C3orf70: variants seen among roughly 807,000 people sequenced by gnomAD.
C3orf70 encodes UPF0524 protein C3orf70.
A neutral mutation model predicts 20.7 loss-of-function variants in C3orf70; 15 were observed. That is an observed-to-expected ratio of 0.72 (90% CI 0.48 to 1.11). The LOEUF is 1.11. C3orf70 is among the 50% of genes most tolerant of loss of function. The pLI, the probability that C3orf70 is intolerant of heterozygous loss-of-function variation, is 0.00. For synonymous variants in C3orf70, 161 were observed against 125.7 expected (o/e 1.28, Z -1.88); for missense variants, 332 against 317.6 (o/e 1.05, Z -0.34).
chr3:185,079,306 T>TAAAAAAAAAAAAAAAAAAA lies in C3orf70; in HGVS notation c.*3700_*3701insTTTTTTTTTTTTTTTTTTT, dbSNP rs1321535800. The TAAAAAAAAAAAAAAAAAAA allele has an allele frequency of 2.0e-4, 25 of 122,766 alleles. No individual in the cohort carries two copies. The highest frequency in any genetic ancestry group is 3.5e-4 in the Non-Finnish European group (21 of 59,480). The allele number at this position is 122,766 out of a possible 1,614,324, so 7.6% of individuals were successfully genotyped here. ...AAAAAAAAAAAAAAAAAAAAAAAAG[T>TAAAAAAAAAAAAAAAAAAA]AAAGCCACCACTCCCAAGATAGAAT... On this transcript the variant is annotated 3_prime_UTR_variant, in exon 2 of 2. Transcript: ENST00000335012.
chr3:185,146,987 T>C (rs1055327818), intron 1 of C3orf70, among the ~76,000 whole-genome samples: 3 of 152,238 alleles, frequency 2.0e-5, no homozygotes, highest in Non-Finnish European at 4.4e-5. Flanking sequence ...AGCGCAGCCA[T>C]AAGGACCAGA....
intron 1 of C3orf70, among the ~76,000 whole-genome samples, chr3:185,128,478 A>C (rs1716458766): frequency 6.6e-6 from 1 of 151,498 alleles, no homozygotes; most frequent in South Asian, 2.1e-4. Context: ...CAGTGAGCCG[A>C]TATCGCACCA....
chr3:185,098,930 T>A (rs1715765407), intron 1 of C3orf70, among the ~76,000 whole-genome samples: 1 of 152,218 alleles, frequency 6.6e-6, no homozygotes, highest in African/African-American at 2.4e-5. Flanking sequence ...CCGGCCTGTC[T>A]GCTGGCCCAC....
intron 1 of C3orf70, among the ~76,000 whole-genome samples, chr3:185,137,566 G>T (rs1279362485): frequency 6.6e-6 from 1 of 152,022 alleles, no homozygotes; most frequent in Non-Finnish European, 1.5e-5. Context: ...AATTTCAAAA[G>T]AATTAAAATC....
chr3:185,130,499 G>A (rs563101554), intron 1 of C3orf70, among the ~76,000 whole-genome samples: 2 of 152,068 alleles, frequency 1.3e-5, no homozygotes, highest in East Asian at 3.8e-4. Context: ...TCCTTTAAAA[G>A]TATATACTCA....
intron 1 of C3orf70, among the ~76,000 whole-genome samples, chr3:185,144,960 G>T (rs1716828163): frequency 6.6e-6 from 1 of 152,178 alleles, no homozygotes; most frequent in African/African-American, 2.4e-5. Flanking sequence ...GCAACAGGAG[G>T]TTTAGTAATC....
At chr3:185,097,976 T>C (rs1715745996) in intron 1 of C3orf70, among the ~76,000 whole-genome samples, 1 of 152,198 alleles carries the variant, frequency 6.6e-6, no homozygotes. Context: ...TATGACAATG[T>C]AGGTTTTCAA....
intron 1 of C3orf70, among the ~76,000 whole-genome samples, chr3:185,117,690 T>A (rs893021967): frequency 1.3e-4 from 20 of 152,190 alleles, no homozygotes; most frequent in Admixed American, 6.5e-4. Flanking sequence ...ACAATATCGA[T>A]CACCTTCAAG....
rs2108585658 is a variant in C3orf70 at position 185,083,433 on chromosome 3, T to C, written c.327A>G (p.Ala109=). Residue 109 remains alanine, a synonymous_variant, in exon 2 of 2, where the codon GCA becomes GCG. Transcript: ENST00000335012. ...VSLTEHFLKF[A]SVFQPPLPPD... ...GGGGAAGGGGAGGCTGGAAGACAGA[T>C]GCAAATTTCAAAAAGTGTTCGGTGA... 3.1e-6 allele frequency: 5 copies of C among 1,614,080 alleles called. No individual in the cohort carries two copies. Among genetic ancestry groups the C allele is most frequent in the Non-Finnish European group, 3.4e-6 (4 of 1,180,014 alleles).
intron 1 of C3orf70, among the ~76,000 whole-genome samples, chr3:185,086,342 C>T (rs537482126): frequency 4.6e-5 from 7 of 152,126 alleles, no homozygotes; most frequent in South Asian, 2.1e-4. Context: ...TGTATCCCCA[C>T]GAACTTCATG....
intron 1 of C3orf70, among the ~76,000 whole-genome samples, chr3:185,144,149 A>G (rs1716810592): frequency 1.3e-5 from 2 of 152,356 alleles, no homozygotes; most frequent in Non-Finnish European, 2.9e-5. Context: ...GTACGGTCAC[A>G]GGGTAGATTC....
At chr3:185,091,941 ATATATATATATATATATATATATTTTTT>A (rs1715591382) in intron 1 of C3orf70, among the ~76,000 whole-genome samples, 3 of 7,636 alleles carry the variant, frequency 3.9e-4, no homozygotes, top group Non-Finnish European at 6.2e-4. Context: ...ATATATATAT[ATATATATATATATATATATATATTTTTT>A]TTTTTTTTTA....
intron 1 of C3orf70, among the ~76,000 whole-genome samples, chr3:185,123,610 G>T (rs183648103): frequency 6.6e-6 from 1 of 151,696 alleles, no homozygotes; most frequent in Non-Finnish European, 1.5e-5. Flanking sequence ...AAGCAGCTGG[G>T]ATTATAGGGA....
chr3:185,087,066 T>C (rs182197146), intron 1 of C3orf70, among the ~76,000 whole-genome samples: 35 of 152,266 alleles, frequency 2.3e-4, no homozygotes, highest in Admixed American at 1.9e-3. Context: ...GATTCAATTA[T>C]GTTTACTATG....
chr3:185,101,914 G>A (rs907183482), intron 1 of C3orf70, among the ~76,000 whole-genome samples: 25 of 152,304 alleles, frequency 1.6e-4, no homozygotes, highest in African/African-American at 5.1e-4. Flanking sequence ...AGGTATTGAA[G>A]GAAAATACCT....
rs78159434 is a variant in C3orf70 at position 185,126,252 on chromosome 3, T to C, written c.196+26376A>G. ...TGAATTTAACAAGTATCAAACGATA[T>C]AGTGTCTAAGTTCAGGCTGCCAATG... On this transcript the variant is annotated intron_variant, in intron 1 of 1. Coordinates refer to ENST00000335012, the MANE Select transcript of C3orf70 (RefSeq NM_001025266.3). Among the ~76,000 whole-genome samples the C allele has an allele frequency of 3.9e-3, 596 of 152,304 alleles. 4 individuals carry two copies. The highest frequency in any genetic ancestry group is 0.013 in the African/African-American group (551 of 41,572).
intron 1 of C3orf70, among the ~76,000 whole-genome samples, chr3:185,150,614 G>A (rs1400738655): frequency 6.6e-6 from 1 of 152,190 alleles, no homozygotes; most frequent in Non-Finnish European, 1.5e-5. Flanking sequence ...CTCAGTATGT[G>A]ATGAAGATAT....
chr3:185,144,157 T>C (rs1443702465), intron 1 of C3orf70, among the ~76,000 whole-genome samples: 4 of 152,216 alleles, frequency 2.6e-5, no homozygotes, highest in African/African-American at 9.6e-5. Flanking sequence ...ACAGGGTAGA[T>C]TCCAGATTAA....
At chr3:185,117,018 T>C (rs1308983152) in intron 1 of C3orf70, among the ~76,000 whole-genome samples, 1 of 152,078 alleles carries the variant, frequency 6.6e-6, no homozygotes, top group Middle Eastern at 3.2e-3. Context: ...CTGGACCTCG[T>C]GATCCGCCCG....
Sources: gnomAD v4.1 joint callset for allele counts (sites outside exome capture counted in the v4.1 genomes callset) on GRCh38, gnomAD v4.1.1 for gene constraint, MANE v1.5 for transcripts, NCBI Gene and HGNC (gene_info 2026-07-23, HGNC 2026-07-21) for gene names.